Variants in MBNL1 observed in about 807,000 individuals in gnomAD.
MBNL1 encodes muscleblind like splicing regulator 1.
A neutral mutation model predicts 42.2 loss-of-function variants in MBNL1; 8 were observed. The ratio of observed to expected loss-of-function variants is 0.19; its 90% CI spans 0.11 to 0.34. The LOEUF is 0.34. Ranked by LOEUF, MBNL1 falls within the 10% of genes least tolerant of loss-of-function variation. The pLI, the probability that MBNL1 is intolerant of heterozygous loss-of-function variation, is 1.00. For synonymous variants in MBNL1, 169 were observed against 173.9 expected, an observed-to-expected ratio of 0.97 and a Z score of 0.22; for missense variants, 309 against 495.3, an observed-to-expected ratio of 0.62 and a Z score of 3.57.
intron 1 of MBNL1, among the ~76,000 whole-genome samples, chr3:152,298,029 A>G (rs1485024577): frequency 6.6e-6 from 1 of 152,120 alleles, no homozygotes; most frequent in Non-Finnish European, 1.5e-5. Context: ...TAGTTTTTTA[A>G]ACGAAATTTA....
At chr3:152,294,613 G>C (rs1231856210) in intron 1 of MBNL1, among the ~76,000 whole-genome samples, 1 of 152,044 alleles carries the variant, frequency 6.6e-6, no homozygotes, top group East Asian at 1.9e-4. Flanking sequence ...TATTTTTGTT[G>C]TTCAGAGAAG....
chr3:152,458,381 C>G lies in MBNL1; in HGVS notation c.1093-890C>G. On this transcript the variant is annotated intron_variant, in intron 8 of 9. Transcript: ENST00000324210. Reference sequence around the variant, plus strand: ...AATTGAAAGAACAGCAACAAAATGCCTTTGTGTATCTGATTTCATTATTCT... The same window carrying G: ...AATTGAAAGAACAGCAACAAAATGCGTTTGTGTATCTGATTTCATTATTCT... The G allele has an allele frequency of 1.4e-5, 8 of 575,874 alleles. No homozygotes were observed. In the South Asian group the frequency reaches 1.6e-4, roughly 12 times the overall value. The allele number at this position is 575,874 out of a possible 1,614,324, so 35.7% of individuals were successfully genotyped here. A position where few individuals can be genotyped will look rare whatever the true frequency, so the allele number is the denominator to read the frequency against.
intron 7 of MBNL1, 84 bp from the exon 8 acceptor site, chr3:152,456,183 C>A (rs1365153308): frequency 1.1e-6 from 1 of 905,138 alleles, no homozygotes; most frequent in Non-Finnish European, 1.9e-6. Flanking sequence ...AAATACCATG[C>A]CCAATTATCT....
chr3:152,320,946 G>A (rs1202174843), intron 2 of MBNL1, among the ~76,000 whole-genome samples: 1 of 151,964 alleles, frequency 6.6e-6, no homozygotes, highest in African/African-American at 2.4e-5. Flanking sequence ...ACTTTATAGT[G>A]TTGCAACTTC....
At chr3:152,409,649 T>C (rs1255435139) in intron 2 of MBNL1, among the ~76,000 whole-genome samples, 3 of 152,196 alleles carry the variant, frequency 2.0e-5, no homozygotes, top group African/African-American at 7.2e-5. Context: ...TTGAACAGTC[T>C]TACCAGAAAA....
intron 4 of MBNL1, among the ~76,000 whole-genome samples, chr3:152,437,135 T>TAAA (rs2099089239): frequency 6.6e-6 from 1 of 152,234 alleles, no homozygotes; most frequent in African/African-American, 2.4e-5. Flanking sequence ...ATTTGGCATT[T>TAAA]AAATGTATAC....
intron 2 of MBNL1, among the ~76,000 whole-genome samples, chr3:152,398,402 G>A (rs2098079296): frequency 6.6e-6 from 1 of 151,966 alleles, no homozygotes; most frequent in Non-Finnish European, 1.5e-5. Context: ...GATTCTTTTA[G>A]GGTGTGTAGT....
intron 3 of MBNL1, among the ~76,000 whole-genome samples, chr3:152,418,585 A>T (rs1424026370): frequency 6.9e-6 from 1 of 145,864 alleles, no homozygotes; most frequent in African/African-American, 2.5e-5. Context: ...CTGCACTCCA[A>T]TGTGGGTGTC....
chr3:152,363,613 G>A (rs2096152314), intron 2 of MBNL1, among the ~76,000 whole-genome samples: 1 of 152,126 alleles, frequency 6.6e-6, no homozygotes, highest in South Asian at 2.1e-4. Flanking sequence ...CAAATGCTGA[G>A]CGTATGCCAG....
intron 3 of MBNL1, among the ~76,000 whole-genome samples, chr3:152,423,366 C>A (rs1225294765): frequency 1.3e-5 from 2 of 152,102 alleles, no homozygotes; most frequent in African/African-American, 4.8e-5. Flanking sequence ...GTACAGCCTC[C>A]CAAGACTCAA....
chr3:152,423,734 A>G (rs916522168), intron 3 of MBNL1, among the ~76,000 whole-genome samples: 1 of 152,220 alleles, frequency 6.6e-6, no homozygotes, highest in African/African-American at 2.4e-5. Flanking sequence ...CTTATCCACC[A>G]TGATCAAGTC....
chr3:152,271,258 A>G (rs987381721), intron 1 of MBNL1, among the ~76,000 whole-genome samples: 2 of 152,142 alleles, frequency 1.3e-5, no homozygotes, highest in Non-Finnish European at 2.9e-5. Flanking sequence ...CAGAATTCCT[A>G]TGAAATGAAA....
At chr3:152,383,161 A>G (rs1427298299) in intron 2 of MBNL1, among the ~76,000 whole-genome samples, 1 of 152,098 alleles carries the variant, frequency 6.6e-6, no homozygotes. Context: ...GTTTTGTGCA[A>G]ACTGCCTTGC....
At chr3:152,391,790 TC>T (rs1214044683) in intron 2 of MBNL1, among the ~76,000 whole-genome samples, 1 of 152,172 alleles carries the variant, frequency 6.6e-6, no homozygotes, top group Non-Finnish European at 1.5e-5. Flanking sequence ...AGTGCTGACA[TC>T]CCAGTTGGAA....
chr3:152,335,663 ATC>A (rs2089448669), intron 2 of MBNL1, among the ~76,000 whole-genome samples: 1 of 151,856 alleles, frequency 6.6e-6, no homozygotes, highest in Non-Finnish European at 1.5e-5. Flanking sequence ...ATTTTAAATT[ATC>A]TTCCCTTTTA....
At chr3:152,338,222 G>A (rs1298559074) in intron 2 of MBNL1, 6 of 985,220 alleles carry the variant, frequency 6.1e-6, no homozygotes, top group African/African-American at 1.7e-5. Context: ...TGCTTCTTGT[G>A]TTCTGGCGGG....
At chr3:152,297,250 C>CTTTT (rs1553786680) in intron 1 of MBNL1, among the ~76,000 whole-genome samples, 1 of 109,838 alleles carries the variant, frequency 9.1e-6, no homozygotes, top group African/African-American at 3.5e-5. Context: ...ATGACTGGAC[C>CTTTT]TTTGTTTTTT....
Position 152,456,363 on chromosome 3 carries a change from T to G in MBNL1, c.1092+2T>G. The G allele has an allele frequency of 6.2e-7, 1 of 1,613,350 alleles. No homozygotes were observed. Among genetic ancestry groups the G allele is most frequent in the Non-Finnish European group, 8.5e-7 (1 of 1,179,310 alleles). On this transcript the variant is annotated splice_donor_variant, in intron 8 of 9. Coordinates refer to ENST00000324210, the MANE Select transcript of MBNL1 (RefSeq NM_021038.5). LOFTEE classifies it high-confidence loss of function. ...GCTGCAACAGCCACAGCCAACCAGG[T>G]TTGCTAATTTACAGCTTTGTTTCTT...
chr3:152,346,794 T>C (rs1416438929), intron 2 of MBNL1, among the ~76,000 whole-genome samples: 2 of 151,842 alleles, frequency 1.3e-5, no homozygotes, highest in Non-Finnish European at 2.9e-5. Context: ...GACCTTGGGT[T>C]GGAAAGCTCT....
Sources: gnomAD v4.1 joint callset for allele counts (sites outside exome capture counted in the v4.1 genomes callset) on GRCh38, gnomAD v4.1.1 for gene constraint, MANE v1.5 for transcripts, NCBI Gene and HGNC (gene_info 2026-07-23, HGNC 2026-07-21) for gene names.